GRK6: variants seen among roughly 807,000 people sequenced by gnomAD.
The protein encoded by GRK6 is G protein-coupled receptor kinase 6.
In GRK6, 37 loss-of-function variants were observed where a neutral mutation model predicts 80.8. The observed-to-expected ratio is 0.46, with a 90% confidence interval of 0.35 to 0.60. The LOEUF (loss-of-function observed/expected upper bound fraction) is 0.60. Among genes scored for constraint, GRK6 ranks in the 20% least tolerant of loss-of-function variants. The pLI is 0.00. For missense variants in GRK6, 560 were observed against 784.6 expected (o/e 0.71, Z 3.42); for synonymous variants, 295 against 320.9 (o/e 0.92, Z 0.86).
chr5:177,427,760 G>C (rs927997465), intron 1 of GRK6, among the ~76,000 whole-genome samples: 2 of 152,182 alleles, frequency 1.3e-5, no homozygotes, highest in Non-Finnish European at 2.9e-5. Context: ...AGGGTGCTGG[G>C]GAAGCAGCAG....
intron 11 of GRK6, 56 bp downstream of exon 11, chr5:177,435,177 C>A: frequency 1.6e-6 from 2 of 1,251,808 alleles, no homozygotes; most frequent in Non-Finnish European, 2.3e-6. Flanking sequence ...TATCCACCCA[C>A]CCAGCCACAC....
Position 177,434,048 on chromosome 5 carries a change from C to T in GRK6, c.873C>T (p.Tyr291=), listed in dbSNP as rs62636574. 1.4e-5 allele frequency: 22 copies of T among 1,609,766 alleles called. 1 individual carries two copies. Among genetic ancestry groups the T allele is most frequent in the African/African-American group, 5.3e-5 (4 of 74,862 alleles). Residue 291 remains tyrosine (Y), a synonymous_variant, in exon 9 of 16, where the codon TAC becomes TAT. Transcript: ENST00000355472. ...AGFPEARAVF[Y]AAEICCGLED... Reference sequence around the variant, plus strand: ...TCCCCGAAGCGCGGGCCGTCTTCTACGCCGCCGAGATCTGCTGTGGCCTGG... The same window carrying T: ...TCCCCGAAGCGCGGGCCGTCTTCTATGCCGCCGAGATCTGCTGTGGCCTGG...
At chr5:177,435,909 G>A (rs1282786866) in intron 11 of GRK6, among the ~76,000 whole-genome samples, 164 bp from the exon 12 acceptor site, 8 of 152,160 alleles carry the variant, frequency 5.3e-5, no homozygotes, top group African/African-American at 1.4e-4. Flanking sequence ...CTGCAGGGCC[G>A]TATTCACCCC....
At chr5:177,432,964 C>T (rs1373023071) in intron 5 of GRK6, among the ~76,000 whole-genome samples, 158 bp downstream of exon 5, 1 of 152,224 alleles carries the variant, frequency 6.6e-6, no homozygotes, top group Admixed American at 6.5e-5. Context: ...TGCCTCCCCT[C>T]TCAGTAGCAC....
In GRK6 at chr5:177,431,970, C is replaced by T. The variant is rs775182009; in HGVS notation, c.149-25C>T. ...CCCATGTGCTCTCGGGCTGTGGACC[C>T]AGCAGCTTCCATCACTGCCAACAGA... is the stretch of plus-strand genomic sequence containing the variant. On this transcript the variant is annotated intron_variant, in intron 2 of 15. Transcript: ENST00000355472. 4 of 1,604,340 alleles carry T rather than the reference C, an allele frequency of 2.5e-6. No homozygotes were observed. In the African/African-American group the frequency reaches 5.4e-5, roughly 21 times the overall value.
In GRK6 at chr5:177,433,366, A is replaced by G; in HGVS notation, c.553A>G (p.Thr185Ala). Residue 185 changes from threonine to alanine, a missense_variant, in exon 7 of 16, where the codon ACC (threonine) becomes GCC (alanine). This residue lies in a region of GRK6 where 77 missense variants were observed against 156.9 expected (regional missense o/e 0.49). Coordinates refer to ENST00000355472, the MANE Select transcript of GRK6 (RefSeq NM_001004106.3). ...WLERQPVTKN[T>A]FRQYRVLGKG... ...CCACAGGCAGCCAGTGACCAAAAAC[A>G]CCTTCAGGCAATACCGAGTCCTGGG... The G allele has an allele frequency of 6.2e-7, 1 of 1,613,900 alleles. No individual in the cohort carries two copies. The highest frequency in any genetic ancestry group is 8.5e-7 in the Non-Finnish European group (1 of 1,179,906).
chr5:177,436,599 T>G, intron 13 of GRK6, 69 bp downstream of exon 13: 1 of 1,398,750 alleles, frequency 7.1e-7, no homozygotes, highest in Non-Finnish European at 9.7e-7. Context: ...TCTTGTAGTA[T>G]CAGCCAGGAT....
chr5:177,429,628 T>C lies in GRK6; in HGVS notation c.53-1244T>C, dbSNP rs1763805397. Among the ~76,000 whole-genome samples the C allele has an allele frequency of 6.6e-6, 1 of 152,174 alleles. No homozygotes were observed. The highest frequency in any genetic ancestry group is 2.1e-4 in the South Asian group (1 of 4,836). The stretch of plus-strand genomic sequence containing the variant: ...AGGCAGCTTAGGTCGGGGAGTCATC[T>C]AGGGACCTAGCCTTGCCCCCTCCCT... On this transcript the variant is annotated intron_variant, in intron 1 of 15. Coordinates refer to ENST00000355472, the MANE Select transcript of GRK6 (RefSeq NM_001004106.3). This position sits in a 1 kb window ranked among gnomAD's most constrained non-coding sequence, Gnocchi z 4.3.
At chr5:177,425,893 C>T (rs1001998624), upstream of GRK6, among the ~76,000 whole-genome samples, 1 of 152,256 alleles carries the variant, frequency 6.6e-6, no homozygotes, top group Non-Finnish European at 1.5e-5. Flanking sequence ...TGACGTCCGG[C>T]GCCTCAGCTC....
rs75405713 is a variant in GRK6 at position 177,432,698 on chromosome 5, G to A, written c.340-8G>A. On this transcript the variant is annotated splice_polypyrimidine_tract_variant and splice_region_variant and intron_variant, in intron 4 of 15. Coordinates refer to ENST00000355472, the MANE Select transcript of GRK6 (RefSeq NM_001004106.3). ...CCCTGCACTGACCTGTCTGGGGCTT[G>A]TTCCCAGGGTCCTGACCTCATCCCT... 3.8e-6 allele frequency: 6 copies of A among 1,584,894 alleles called. No individual in the cohort carries two copies. In the East Asian group the frequency reaches 1.4e-4, roughly 36 times the overall value.
intron 1 of GRK6, 106 bp downstream of exon 1, chr5:177,427,003 C>G (rs1763699605): frequency 1.5e-6 from 1 of 655,200 alleles, no homozygotes; most frequent in South Asian, 6.5e-5. Flanking sequence ...GGCCCGCGGG[C>G]CCTGCGCCTT....
chr5:177,426,262 GCCGC>G (rs1390096615), upstream of GRK6, among the ~76,000 whole-genome samples: 2 of 152,232 alleles, frequency 1.3e-5, no homozygotes, highest in African/African-American at 2.4e-5. Context: ...CGAGCCAAAG[GCCGC>G]CGGGCCACAC....
rs201829606 is a variant in GRK6 at position 177,436,033 on chromosome 5, C to T, written c.1058-40C>T. 5.6e-4 allele frequency: 875 copies of T among 1,569,098 alleles called. 2 individuals carry two copies. The highest frequency in any genetic ancestry group is 7.1e-4 in the Non-Finnish European group (814 of 1,142,148). On this transcript the variant is annotated intron_variant, in intron 11 of 15. Transcript: ENST00000355472. ...TCCTGGGGCCTGAGGGTCCACTGCC[C>T]GCCTCCTGCCCAGCCCTAACTCCCA...
intron 3 of GRK6, 56 bp from the exon 4 acceptor site, chr5:177,432,177 C>T: frequency 1.9e-6 from 3 of 1,611,326 alleles, no homozygotes; most frequent in Admixed American, 1.7e-5. Flanking sequence ...CCCTCCTCCC[C>T]ACACCTGCTG....
rs1290051122 is a variant in GRK6 at position 177,428,336 on chromosome 5, C to G, written c.52+1439C>G. ...GTGGGTACCTTTGGACAAGCTTTGTCAGGCCATGGGCAAGGCACAGGGTGG... is the reference window on the plus strand; with the variant it reads ...GTGGGTACCTTTGGACAAGCTTTGTGAGGCCATGGGCAAGGCACAGGGTGG... On this transcript the variant is annotated intron_variant, in intron 1 of 15. Coordinates refer to ENST00000355472, the MANE Select transcript of GRK6 (RefSeq NM_001004106.3). The surrounding 1 kb of genome is among the most constrained non-coding windows in gnomAD (Gnocchi z 4.1). 6.6e-6 allele frequency among the ~76,000 whole-genome samples: 1 copy of G among 152,246 alleles called. No homozygotes were observed. The highest frequency in any genetic ancestry group is 2.4e-5 in the African/African-American group (1 of 41,472).
rs774743489 is a variant in GRK6 at position 177,436,242 on chromosome 5, C to T, written c.1227C>T (p.Ser409=). 37 of 1,614,096 alleles carry T rather than the reference C, an allele frequency of 2.3e-5. 2 individuals are homozygous for T. The South Asian group carries it at 3.1e-4, about 13-fold the overall frequency. ...TGAAGGAGGTCCCCGAGGAGTATTC[C>T]GAGCGCTTTTCCCCGCAGGCCCGCT... is the stretch of plus-strand genomic sequence containing the variant. The part of the protein sequence containing the change: ...RLVKEVPEEY[S]ERFSPQARSL... Residue 409 remains serine (S), a synonymous_variant, in exon 12 of 16, where the codon TCC becomes TCT. Coordinates refer to ENST00000355472, the MANE Select transcript of GRK6 (RefSeq NM_001004106.3).
At chr5:177,431,656 T>TGGGCC in intron 2 of GRK6, 2 of 312,742 alleles carry the variant, frequency 6.4e-6, no homozygotes, top group Non-Finnish European at 1.2e-5. Context: ...CCGGCTGGGC[T>TGGGCC]GGGCCGGAAC....
At position 177,436,062 on chromosome 5, in the gene GRK6, C is replaced by T. The variant is rs762791485; in HGVS notation, c.1058-11C>T. On this transcript the variant is annotated splice_polypyrimidine_tract_variant and intron_variant, in intron 11 of 15. Transcript: ENST00000355472. ...TCCTGCCCAGCCCTAACTCCCATGCCGCCCGCCCAGCTCCGGAGGTGGTGA... is the reference window on the plus strand; with the variant it reads ...TCCTGCCCAGCCCTAACTCCCATGCTGCCCGCCCAGCTCCGGAGGTGGTGA... 6.2e-5 allele frequency: 100 copies of T among 1,610,232 alleles called. No homozygotes were observed. Among genetic ancestry groups the T allele is most frequent in the Non-Finnish European group, 1.2e-5 (14 of 1,177,266 alleles).
intron 1 of GRK6, chr5:177,430,563 G>A (rs1763845250): frequency 8.0e-6 from 3 of 374,788 alleles, no homozygotes; most frequent in South Asian, 2.9e-5. Context: ...TTTCTTCACC[G>A]GGGGAACTCC....
Sources: gnomAD v4.1 joint callset for allele counts (sites outside exome capture counted in the v4.1 genomes callset) on GRCh38, gnomAD v4.1.1 for gene constraint, gnomAD v4.1.1 regional missense constraint, Gnocchi (gnomAD v3.1) non-coding constraint, MANE v1.5 for transcripts, NCBI Gene and HGNC (gene_info 2026-07-23, HGNC 2026-07-21) for gene names.